Variants in KDM2A observed in about 807,000 individuals in gnomAD.
KDM2A encodes the protein lysine demethylase 2A, also known as lysine-specific demethylase 2A.
Under a neutral mutation model 137.3 loss-of-function variants are expected in KDM2A, and 3 were observed. The observed-to-expected ratio is 0.02, with a 90% confidence interval of 0.01 to 0.06. The LOEUF (loss-of-function observed/expected upper bound fraction) is 0.06, where lower values mean the gene tolerates loss of function less well. KDM2A is among the 10% of genes least tolerant of loss of function. The pLI is 1.00. For synonymous variants in KDM2A, 512 were observed against 541.5 expected (o/e 0.95, Z 0.76); for missense variants, 738 against 1,510.6 (o/e 0.49, Z 8.48).
chr11:67,138,631 A>G (rs914461153), intron 2 of KDM2A, among the ~76,000 whole-genome samples: 17 of 152,308 alleles, frequency 1.1e-4, no homozygotes, highest in African/African-American at 4.1e-4. Context: ...AAACACAAAA[A>G]TTAACCAGGT....
chr11:67,244,354 C>T (rs984015965), intron 13 of KDM2A, among the ~76,000 whole-genome samples: 5 of 152,142 alleles, frequency 3.3e-5, no homozygotes, highest in African/African-American at 9.7e-5. Context: ...TCTACCAGTT[C>T]GTATGCTTGA....
At chr11:67,247,035 TTTTATATA>T (rs1415349063) in intron 15 of KDM2A, among the ~76,000 whole-genome samples, 24 of 75,048 alleles carry the variant, frequency 3.2e-4, no homozygotes, top group Non-Finnish European at 5.7e-4. Flanking sequence ...TTATAAATTA[TTTTATATA>T]TATATATATA....
intron 2 of KDM2A, among the ~76,000 whole-genome samples, chr11:67,161,078 G>A (rs533792219): frequency 6.6e-6 from 1 of 152,234 alleles, no homozygotes; most frequent in East Asian, 1.9e-4. Flanking sequence ...AGGTGGACTA[G>A]TGGCCAGGCA....
chr11:67,228,297 C>T (rs1565414516), intron 11 of KDM2A, 134 bp downstream of exon 11: 2 of 940,362 alleles, frequency 2.1e-6, no homozygotes, highest in Non-Finnish European at 1.6e-6. Context: ...AAATTCATCA[C>T]TGGAATTGAA....
chr11:67,195,960 T>G, intron 5 of KDM2A: 1 of 438,762 alleles, frequency 2.3e-6, no homozygotes, highest in Non-Finnish European at 4.6e-6. Flanking sequence ...CACAATATCT[T>G]CTATCAACTC....
chr11:67,228,254 C>T, intron 11 of KDM2A, 91 bp downstream of exon 11: 1 of 1,394,708 alleles, frequency 7.2e-7, no homozygotes, highest in Non-Finnish European at 9.8e-7. Flanking sequence ...TCAATATGTT[C>T]TTGGTTTTTT....
chr11:67,203,546 T>C (rs1459365020), intron 5 of KDM2A, among the ~76,000 whole-genome samples: 1 of 148,584 alleles, frequency 6.7e-6, no homozygotes, highest in Non-Finnish European at 1.5e-5. Context: ...AGTCTAGTAA[T>C]AAAAGAATAC....
chr11:67,173,363 C>T (rs1856916125), intron 2 of KDM2A, among the ~76,000 whole-genome samples: 1 of 152,304 alleles, frequency 6.6e-6, no homozygotes, highest in Middle Eastern at 3.4e-3. Context: ...CTCAGGTGAT[C>T]CGCCCGCCTT....
intron 2 of KDM2A, among the ~76,000 whole-genome samples, chr11:67,157,130 G>A (rs950290220): frequency 4.0e-5 from 6 of 151,528 alleles, no homozygotes; most frequent in Admixed American, 4.0e-4. Flanking sequence ...TGGCTAACAC[G>A]GTGAAACCCC....
intron 18 of KDM2A, among the ~76,000 whole-genome samples, chr11:67,253,242 C>T (rs1859491904): frequency 6.6e-6 from 1 of 152,132 alleles, no homozygotes; most frequent in South Asian, 2.1e-4. Context: ...TCTTGTATTG[C>T]TCTGGTGGGA....
chr11:67,156,936 G>A (rs1284450784), intron 2 of KDM2A, among the ~76,000 whole-genome samples: 1 of 151,626 alleles, frequency 6.6e-6, no homozygotes. Flanking sequence ...AAATAAACTC[G>A]TGCTCATTCA....
At chr11:67,191,961 A>T (rs1430414378) in intron 5 of KDM2A, among the ~76,000 whole-genome samples, 1 of 152,206 alleles carries the variant, frequency 6.6e-6, no homozygotes, top group Non-Finnish European at 1.5e-5. Context: ...TCCTTCTATC[A>T]TGTGCATCTT....
chr11:67,211,073 C>G (rs372121894), intron 6 of KDM2A, among the ~76,000 whole-genome samples: 16 of 152,028 alleles, frequency 1.1e-4, no homozygotes, highest in African/African-American at 3.6e-4. Context: ...AACAAACAAA[C>G]AAAAACATAG....
intron 2 of KDM2A, among the ~76,000 whole-genome samples, chr11:67,156,843 C>G (rs1027236775): frequency 1.3e-5 from 2 of 151,378 alleles, no homozygotes; most frequent in African/African-American, 2.4e-5. Flanking sequence ...GAGCCGAGAT[C>G]GCGCCACTGC....
chr11:67,135,227 C>T (rs1386047998), intron 2 of KDM2A, among the ~76,000 whole-genome samples: 1 of 152,072 alleles, frequency 6.6e-6, no homozygotes, highest in Non-Finnish European at 1.5e-5. Flanking sequence ...CACCACCCTG[C>T]CCAGCTAATT....
chr11:67,182,933 G>A (rs1857123118), intron 5 of KDM2A, among the ~76,000 whole-genome samples: 1 of 152,164 alleles, frequency 6.6e-6, no homozygotes, highest in Non-Finnish European at 1.5e-5. Flanking sequence ...TTTGTCCTCT[G>A]TACTAAAGCT....
intron 5 of KDM2A, among the ~76,000 whole-genome samples, chr11:67,192,616 G>A (rs1261706315): frequency 3.3e-5 from 5 of 150,840 alleles, no homozygotes; most frequent in African/African-American, 7.3e-5. Flanking sequence ...GGTCAATTTT[G>A]TATTTTTTAG....
intron 2 of KDM2A, among the ~76,000 whole-genome samples, chr11:67,138,813 T>A: frequency 6.6e-6 from 1 of 152,150 alleles, no homozygotes. Flanking sequence ...CAGCCTGTGT[T>A]TCAACTAGTT....
At chr11:67,155,545 C>T (rs1357443838) in intron 2 of KDM2A, among the ~76,000 whole-genome samples, 1 of 151,876 alleles carries the variant, frequency 6.6e-6, no homozygotes, top group Admixed American at 6.6e-5. Flanking sequence ...CTAAAATGAC[C>T]CTCCTGCCTC....
Sources: allele counts gnomAD v4.1 joint callset (sites outside exome capture counted in the v4.1 genomes callset), GRCh38; gene constraint gnomAD v4.1.1; transcripts MANE v1.5; gene names NCBI Gene and HGNC (gene_info 2026-07-23, HGNC 2026-07-21).